CHST8: variants seen among roughly 807,000 people sequenced by gnomAD.
The protein encoded by CHST8 is carbohydrate sulfotransferase 8.
CHST8 carries 10 observed loss-of-function variants against 15.0 expected under a neutral mutation model. The ratio of observed to expected loss-of-function variants is 0.67; its 90% CI spans 0.41 to 1.13. The LOEUF (loss-of-function observed/expected upper bound fraction) is 1.13, where lower values mean the gene tolerates loss of function less well. Ranked by LOEUF, CHST8 falls within the 50% of genes most tolerant of loss-of-function variation. CHST8 has a pLI of 0.00. For missense variants in CHST8, 634 were observed against 608.2 expected (o/e 1.04, Z -0.45); for synonymous variants, 259 against 256.6 (o/e 1.01, Z -0.09).
chr19:33,644,189 T>C (rs1357557361), intron 1 of CHST8, among the ~76,000 whole-genome samples: 1 of 152,156 alleles, frequency 6.6e-6, no homozygotes, highest in Non-Finnish European at 1.5e-5. Flanking sequence ...CACCTCAGCC[T>C]CCCAAAGTGC....
intron 3 of CHST8, among the ~76,000 whole-genome samples, chr19:33,692,512 A>G (rs996334393): frequency 3.3e-5 from 5 of 152,202 alleles, no homozygotes; most frequent in Non-Finnish European, 5.9e-5. Flanking sequence ...AGCCTGGGCA[A>G]CATAGCAAGA....
At chr19:33,707,298 C>T (rs1436686365) in intron 3 of CHST8, among the ~76,000 whole-genome samples, 1 of 152,196 alleles carries the variant, frequency 6.6e-6, no homozygotes, top group African/African-American at 2.4e-5. Flanking sequence ...AAGTGATTCT[C>T]CTGCCTTGGC....
Position 33,757,470 on chromosome 19 carries a change from GAAA to G in CHST8, c.131-13942_131-13940del, listed in dbSNP as rs1974592738. 2.6e-4 allele frequency among the ~76,000 whole-genome samples: 11 copies of G among 41,762 alleles called. 1 individual carries two copies. The highest frequency in any genetic ancestry group is 5.0e-4 in the Admixed American group (2 of 3,976). 27.4% of individuals were successfully genotyped at this position (41,762 alleles called of 152,430 possible). On this transcript the variant is annotated intron_variant, in intron 3 of 4. Transcript: ENST00000650847. ...AGAAAGAAAGAAAGAAAGAAAGAAA[GAAA>G]GAAAGAAAGAAAGAAAGAAAGAAAG... is the stretch of plus-strand genomic sequence containing the variant.
chr19:33,760,866 C>T (rs1216400999), intron 3 of CHST8, among the ~76,000 whole-genome samples: 1 of 152,158 alleles, frequency 6.6e-6, no homozygotes, highest in Admixed American at 6.5e-5. Context: ...AGTGCCTCTC[C>T]TCCTTGCTAG....
chr19:33,700,912 G>A (rs912692413), intron 3 of CHST8, among the ~76,000 whole-genome samples: 4 of 152,188 alleles, frequency 2.6e-5, no homozygotes, highest in Non-Finnish European at 5.9e-5. Context: ...ATGGAGGGAT[G>A]GACATGGAGT....
intron 1 of CHST8, among the ~76,000 whole-genome samples, chr19:33,650,093 T>A (rs568924055): frequency 6.6e-6 from 1 of 152,314 alleles, no homozygotes; most frequent in Admixed American, 6.5e-5. Context: ...TTATGATCTC[T>A]GTGTTAATGT....
chr19:33,669,150 C>T (rs1248296120), intron 2 of CHST8, among the ~76,000 whole-genome samples: 1 of 152,198 alleles, frequency 6.6e-6, no homozygotes, highest in African/African-American at 2.4e-5. Context: ...AACCCACAGA[C>T]ACACATACGC....
intron 3 of CHST8, among the ~76,000 whole-genome samples, chr19:33,765,460 T>C (rs1974814832): frequency 6.6e-6 from 1 of 152,006 alleles, no homozygotes; most frequent in Non-Finnish European, 1.5e-5. Context: ...GTTAATTATA[T>C]ACGTCACCTT....
chr19:33,720,212 C>T (rs1386091301), intron 3 of CHST8, among the ~76,000 whole-genome samples: 5 of 151,894 alleles, frequency 3.3e-5, no homozygotes, highest in Admixed American at 6.6e-5. Flanking sequence ...TACACCCATA[C>T]ATGTACCACA....
At chr19:33,684,487 T>C (rs1205611726) in intron 2 of CHST8, 4 of 152,354 alleles carry the variant, frequency 2.6e-5, no homozygotes, top group Non-Finnish European at 5.9e-5. Context: ...CCGTCAACCT[T>C]GCAGAGCATT....
intron 2 of CHST8, chr19:33,685,087 A>G (rs1972953212): frequency 6.6e-6 from 1 of 152,202 alleles, no homozygotes; most frequent in South Asian, 2.1e-4. Context: ...CCACGGCCAC[A>G]GGGAATCCTC....
chr19:33,690,693 G>A (rs1012810743), intron 3 of CHST8, among the ~76,000 whole-genome samples: 7 of 152,214 alleles, frequency 4.6e-5, no homozygotes, highest in Admixed American at 6.5e-5. Context: ...GGGTCTGGCC[G>A]CTCCCAGGCG....
rs777820045 is a variant in CHST8, at chr19:33,771,938, A to G, written c.169-19A>G. ...AGCTGTCCTTTCCACTCAGATAACC[A>G]CTTCTCTTCTTGCCCCAGGACCTCC... On this transcript the variant is annotated intron_variant, in intron 4 of 4. Coordinates refer to ENST00000650847, the MANE Select transcript of CHST8 (RefSeq NM_001127895.2). 2 of 1,535,018 alleles carry G rather than the reference A, an allele frequency of 1.3e-6. No homozygotes were observed. The highest frequency in any genetic ancestry group is 8.7e-7 in the Non-Finnish European group (1 of 1,144,600).
rs7248555 is a variant in CHST8, at chr19:33,655,800, G to A, written c.-163-11967G>A. Among the ~76,000 whole-genome samples, 424 of 152,008 alleles carry A rather than the reference G, an allele frequency of 2.8e-3. 3 individuals carry two copies. The highest frequency in any genetic ancestry group is 9.8e-3 in the African/African-American group (405 of 41,466). On this transcript the variant is annotated intron_variant, in intron 1 of 4. Coordinates refer to ENST00000650847, the MANE Select transcript of CHST8 (RefSeq NM_001127895.2). ...CTCTTTTCTTGGTTAGACTTTACCAGAGATTTGTTGATTTCATTGGCCTTT... is the reference window on the plus strand; with the variant it reads ...CTCTTTTCTTGGTTAGACTTTACCAAAGATTTGTTGATTTCATTGGCCTTT...
intron 3 of CHST8, among the ~76,000 whole-genome samples, chr19:33,743,704 G>T (rs1341985782): frequency 1.3e-5 from 2 of 152,114 alleles, no homozygotes; most frequent in Non-Finnish European, 2.9e-5. Context: ...TCCTGGGGTC[G>T]TTGCTGCACT....
intron 1 of CHST8, among the ~76,000 whole-genome samples, chr19:33,651,170 CTA>C (rs1336944437): frequency 6.6e-6 from 1 of 152,104 alleles, no homozygotes; most frequent in Non-Finnish European, 1.5e-5. Flanking sequence ...CTAAGAAAGT[CTA>C]AACCCACCTA....
chr19:33,682,349 A>G (rs1972905411), intron 2 of CHST8, among the ~76,000 whole-genome samples: 1 of 151,140 alleles, frequency 6.6e-6, no homozygotes, highest in Non-Finnish European at 1.5e-5. Context: ...TAATTTTTGT[A>G]ATTTTAGTAG....
chr19:33,772,727 G>A lies in CHST8; in HGVS notation c.939G>A (p.Gln313=). ...GSGVRFPEFV[Q]YLLDVHRPVG... is the part of the protein sequence containing the mutation. ...GGGTGCGTTTTCCCGAGTTCGTCCA[G>A]TACCTGCTGGACGTGCACCGGCCCG... Residue 313 remains glutamine (Q), a synonymous_variant, in exon 5 of 5, where the codon CAG becomes CAA. Coordinates refer to ENST00000650847, the MANE Select transcript of CHST8 (RefSeq NM_001127895.2). The A allele has an allele frequency of 2.5e-6, 4 of 1,613,408 alleles. No homozygotes were observed. Among genetic ancestry groups the A allele is most frequent in the Non-Finnish European group, 3.4e-6 (4 of 1,179,974 alleles).
In CHST8 at chr19:33,683,139, C is replaced by T. The variant is rs138383848; in HGVS notation, c.-86-6037C>T. ...TGGCACCATGCCATTCATGAGGGAT[C>T]CACCCTGTGATTCAGTCCCCTCCAA... On this transcript the variant is annotated intron_variant, in intron 2 of 4. Coordinates refer to ENST00000650847, the MANE Select transcript of CHST8 (RefSeq NM_001127895.2). Among the ~76,000 whole-genome samples, 87 of 152,300 alleles carry T rather than the reference C, an allele frequency of 5.7e-4. No homozygotes were observed. The South Asian group carries it at 0.01, about 18-fold the overall frequency.
Sources: allele counts gnomAD v4.1 joint callset (sites outside exome capture counted in the v4.1 genomes callset), GRCh38; gene constraint gnomAD v4.1.1; transcripts MANE v1.5; gene names NCBI Gene and HGNC (gene_info 2026-07-23, HGNC 2026-07-21).